The following LRMDA variants were observed in gnomAD, a reference collection of about 807,000 sequenced individuals.
LRMDA encodes leucine rich melanocyte differentiation associated.
Under a neutral mutation model 29.8 loss-of-function variants are expected in LRMDA, and 18 were observed. The ratio of observed to expected loss-of-function variants is 0.60; its 90% CI spans 0.42 to 0.90. The LOEUF (loss-of-function observed/expected upper bound fraction) is 0.90. LRMDA is among the 40% of genes least tolerant of loss of function. LRMDA has a pLI of 0.00. For synonymous variants in LRMDA, 125 were observed against 109.4 expected (o/e 1.14, Z -0.89); for missense variants, 273 against 273.9 (o/e 1.00, Z 0.02).
At chr10:75,848,854 G>C (rs904013235) in intron 2 of LRMDA, among the ~76,000 whole-genome samples, 1 of 152,068 alleles carries the variant, frequency 6.6e-6, no homozygotes, top group Non-Finnish European at 1.5e-5. Flanking sequence ...GGCTCGTTTT[G>C]CCCTTAGACC....
chr10:76,182,395 G>GT (rs780294769), intron 5 of LRMDA, among the ~76,000 whole-genome samples: 1 of 152,122 alleles, frequency 6.6e-6, no homozygotes, highest in Non-Finnish European at 1.5e-5. Flanking sequence ...GTGAGATTTG[G>GT]GTGGGGACGC....
intron 5 of LRMDA, among the ~76,000 whole-genome samples, chr10:76,064,325 G>A: frequency 6.6e-6 from 1 of 152,152 alleles, no homozygotes; most frequent in East Asian, 1.9e-4. Flanking sequence ...GGTGTGATCT[G>A]AAGCTGCGTT....
intron 2 of LRMDA, chr10:75,451,759 G>C (rs889872503): frequency 2.0e-5 from 3 of 152,040 alleles, no homozygotes; most frequent in Admixed American, 2.0e-4. Context: ...AATGCCAAGG[G>C]AACATTTTGT....
chr10:75,611,301 C>T (rs1156520393), intron 2 of LRMDA, among the ~76,000 whole-genome samples: 2 of 152,144 alleles, frequency 1.3e-5, no homozygotes, highest in African/African-American at 2.4e-5. Flanking sequence ...GGACCTTGAT[C>T]GGAGTCCACA....
chr10:75,803,026 C>T (rs906893303), intron 2 of LRMDA, among the ~76,000 whole-genome samples: 5 of 149,926 alleles, frequency 3.3e-5, no homozygotes, highest in Admixed American at 6.7e-5. Flanking sequence ...TTCACTCTCT[C>T]CTTCCTCCCA....
Position 76,240,009 on chromosome 10 carries a change from A to T in LRMDA, c.517-84392A>T, listed in dbSNP as rs147131900. Among the ~76,000 whole-genome samples, 334 of 152,226 alleles carry T rather than the reference A, an allele frequency of 2.2e-3. 16 individuals are homozygous for T. In the East Asian group the frequency reaches 0.048, roughly 22 times the overall value. Reference sequence around the variant, plus strand: ...CTATATACAGTTTTATTGGTTAATTATATCTCAATATAGCCGGGAAATTTT... The same window carrying T: ...CTATATACAGTTTTATTGGTTAATTTTATCTCAATATAGCCGGGAAATTTT... On this transcript the variant is annotated intron_variant, in intron 5 of 6. Coordinates refer to ENST00000611255, the MANE Select transcript of LRMDA (RefSeq NM_001305581.2).
chr10:75,672,284 C>A (rs941977995), intron 2 of LRMDA, among the ~76,000 whole-genome samples: 2 of 151,888 alleles, frequency 1.3e-5, no homozygotes, highest in Non-Finnish European at 2.9e-5. Flanking sequence ...CAGACAAGCC[C>A]GGAAAAGGGG....
intron 2 of LRMDA, among the ~76,000 whole-genome samples, chr10:75,558,683 C>A (rs577887766): frequency 1.3e-5 from 2 of 148,492 alleles, no homozygotes; most frequent in Non-Finnish European, 3.0e-5. Context: ...CCTCCCCACT[C>A]CCCCCACCCC....
intron 5 of LRMDA, among the ~76,000 whole-genome samples, chr10:76,150,431 CA>C (rs925559975): frequency 5.7e-4 from 87 of 152,346 alleles, no homozygotes; most frequent in African/African-American, 2.0e-3. Context: ...CGGTCACCCA[CA>C]CAAAAATGTG....
chr10:76,519,125 G>A (rs935493428), intron 6 of LRMDA, among the ~76,000 whole-genome samples: 6 of 151,950 alleles, frequency 3.9e-5, no homozygotes, highest in African/African-American at 7.3e-5. Flanking sequence ...CCTGGGCAAC[G>A]TGGTGAAACC....
chr10:75,948,665 C>A (rs1846520380), intron 2 of LRMDA, among the ~76,000 whole-genome samples: 1 of 152,120 alleles, frequency 6.6e-6, no homozygotes, highest in Non-Finnish European at 1.5e-5. Flanking sequence ...ACTGTACTTA[C>A]TGAATCTGCA....
intron 2 of LRMDA, among the ~76,000 whole-genome samples, chr10:75,754,404 C>T (rs191127292): frequency 1.3e-5 from 2 of 152,304 alleles, no homozygotes; most frequent in African/African-American, 2.4e-5. Context: ...AAGTTGAAGA[C>T]AGGCTGAGCA....
At chr10:75,505,602 C>T (rs181650556) in intron 2 of LRMDA, among the ~76,000 whole-genome samples, 13 of 152,298 alleles carry the variant, frequency 8.5e-5, no homozygotes, top group African/African-American at 2.6e-4. Context: ...TGACTTCCCT[C>T]CATGAACCCT....
At chr10:75,485,153 A>G (rs1377912741) in intron 2 of LRMDA, among the ~76,000 whole-genome samples, 2 of 152,076 alleles carry the variant, frequency 1.3e-5, no homozygotes, top group Admixed American at 6.5e-5. Context: ...AACTTTTAGT[A>G]TTTTCTGGAC....
intron 2 of LRMDA, among the ~76,000 whole-genome samples, chr10:76,021,767 C>A (rs997551069): frequency 6.6e-6 from 1 of 152,186 alleles, no homozygotes; most frequent in Admixed American, 6.5e-5. Context: ...GAAGGAGAGA[C>A]CTGCTCATAA....
chr10:76,452,035 C>T (rs1302692382), intron 6 of LRMDA, among the ~76,000 whole-genome samples: 1 of 152,108 alleles, frequency 6.6e-6, no homozygotes, highest in Non-Finnish European at 1.5e-5. Flanking sequence ...GTATTTTCTT[C>T]ATTGCTTGAT....
chr10:76,550,820 A>G (rs1381310372), intron 6 of LRMDA, among the ~76,000 whole-genome samples: 1 of 152,026 alleles, frequency 6.6e-6, no homozygotes, highest in Non-Finnish European at 1.5e-5. Context: ...TTCCCCTAAG[A>G]CCTTTTAAAG....
At chr10:75,880,825 G>A (rs534206611) in intron 2 of LRMDA, among the ~76,000 whole-genome samples, 4 of 152,334 alleles carry the variant, frequency 2.6e-5, no homozygotes, top group East Asian at 1.9e-4. Context: ...GATAAAGGCC[G>A]TTAGTGGAGC....
intron 2 of LRMDA, among the ~76,000 whole-genome samples, chr10:75,870,578 G>A (rs1386218807): frequency 1.3e-5 from 2 of 152,124 alleles, no homozygotes; most frequent in Admixed American, 6.5e-5. Context: ...CTCAGTCACC[G>A]CATCTGGTGG....
Sources: allele counts gnomAD v4.1 joint callset (sites outside exome capture counted in the v4.1 genomes callset), GRCh38; gene constraint gnomAD v4.1.1; transcripts MANE v1.5; gene names NCBI Gene and HGNC (gene_info 2026-07-23, HGNC 2026-07-21).